Variants in WWP2 observed in about 807,000 individuals in gnomAD.
WWP2 encodes the protein NEDD4-like E3 ubiquitin-protein ligase WWP2.
Under a neutral mutation model 121.0 loss-of-function variants are expected in WWP2, and 57 were observed. The ratio of observed to expected loss-of-function variants is 0.47; its 90% CI spans 0.38 to 0.59. The LOEUF (loss-of-function observed/expected upper bound fraction) is 0.59, where lower values mean the gene tolerates loss of function less well. WWP2 is among the 20% of genes least tolerant of loss of function. WWP2 has a pLI of 0.00. For synonymous variants in WWP2, 449 were observed against 441.3 expected, an observed-to-expected ratio of 1.02 and a Z score of -0.22; for missense variants, 962 against 1,158.9, an observed-to-expected ratio of 0.83 and a Z score of 2.47.
intron 6 of WWP2, among the ~76,000 whole-genome samples, chr16:69,859,691 G>A (rs1567385852): frequency 1.3e-5 from 2 of 151,944 alleles, no homozygotes; most frequent in Non-Finnish European, 2.9e-5. Context: ...CTTCCCCCTG[G>A]CCCCGACCCC....
In WWP2 at chr16:69,937,765, C is replaced by G. The variant is rs1205971336; in HGVS notation, c.2343+113C>G. The G allele has an allele frequency of 1.0e-6, 1 of 970,402 alleles. No individual in the cohort carries two copies. The highest frequency in any genetic ancestry group is 1.6e-6 in the Non-Finnish European group (1 of 643,914). The allele number at this position is 970,402 out of a possible 1,614,324, so 60.1% of individuals were successfully genotyped here. ...TTCAGCTTTGGCCCTGTCCTTGCCT[C>G]CCACACCTTGCAAAAGGAGACGATA... On this transcript the variant is annotated intron_variant, in intron 21 of 23. Coordinates refer to ENST00000359154, the MANE Select transcript of WWP2 (RefSeq NM_001270454.2). This position sits in a 1 kb window ranked among gnomAD's most constrained non-coding sequence, Gnocchi z 6.6.
At chr16:69,783,096 T>C (rs1283134633) in intron 1 of WWP2, 1 of 149,564 alleles carries the variant, frequency 6.7e-6, no homozygotes, top group Non-Finnish European at 1.5e-5. Context: ...CTCCAACCTC[T>C]GCTTCCCAGG....
intron 10 of WWP2, among the ~76,000 whole-genome samples, chr16:69,922,646 A>T (rs1289155418): frequency 6.6e-6 from 1 of 152,192 alleles, no homozygotes; most frequent in African/African-American, 2.4e-5. Context: ...CGGTTGGCTC[A>T]TTGGAGGTGT....
intron 7 of WWP2, among the ~76,000 whole-genome samples, chr16:69,884,396 G>A (rs921173891): frequency 6.6e-6 from 1 of 152,172 alleles, no homozygotes; most frequent in African/African-American, 2.4e-5. Flanking sequence ...GGCTGAGGTG[G>A]GAGGATCGCT....
rs2056124088 is a variant in WWP2 at position 69,799,819 on chromosome 16, G to A, written c.340+524G>A. ...CTGGATGTTGGAACGTGATGGACGC[G>A]CCATCTGAATTAGCCAACGTGCCTC... On this transcript the variant is annotated intron_variant, in intron 4 of 23. Transcript: ENST00000359154. The surrounding 1 kb of genome is among the most constrained non-coding windows in gnomAD (Gnocchi z 4.5). Among the ~76,000 whole-genome samples the A allele has an allele frequency of 6.6e-6, 1 of 152,056 alleles. No individual in the cohort carries two copies. Among genetic ancestry groups the A allele is most frequent in the South Asian group, 2.1e-4 (1 of 4,820 alleles).
chr16:69,890,008 G>A (rs1305283441), intron 8 of WWP2, among the ~76,000 whole-genome samples: 3 of 151,978 alleles, frequency 2.0e-5, no homozygotes, highest in Admixed American at 6.6e-5. Context: ...AGGCTGGAGT[G>A]CAGTAGTACA....
intron 7 of WWP2, among the ~76,000 whole-genome samples, chr16:69,872,240 G>A (rs1032351257): frequency 5.3e-5 from 8 of 149,866 alleles, no homozygotes; most frequent in Non-Finnish European, 3.0e-5. Context: ...TTTTTGAGAC[G>A]GAGTCTCACC....
At chr16:69,922,233 C>T (rs946850899) in intron 10 of WWP2, among the ~76,000 whole-genome samples, 17 of 151,966 alleles carry the variant, frequency 1.1e-4, no homozygotes, top group East Asian at 3.9e-4. Flanking sequence ...GTTCTGCATC[C>T]GTCTGGTGCA....
At chr16:69,933,065 G>A in intron 16 of WWP2, 1 of 496,964 alleles carries the variant, frequency 2.0e-6, no homozygotes. Flanking sequence ...GGCTTCTGGT[G>A]TGGCCGCGCC....
At chr16:69,801,208 TTTAA>T (rs1457762975) in intron 4 of WWP2, among the ~76,000 whole-genome samples, 10 of 148,642 alleles carry the variant, frequency 6.7e-5, no homozygotes, top group African/African-American at 2.2e-4. Context: ...GCAATTTTAC[TTTAA>T]TTAATTAATT....
At chr16:69,899,036 A>G (rs2151950085) in intron 8 of WWP2, among the ~76,000 whole-genome samples, 1 of 152,314 alleles carries the variant, frequency 6.6e-6, no homozygotes, top group East Asian at 1.9e-4. Flanking sequence ...GCTAGGTACA[A>G]ATTGCTTCTC....
intron 1 of WWP2, among the ~76,000 whole-genome samples, chr16:69,786,681 C>T (rs1156937813): frequency 6.6e-6 from 1 of 151,560 alleles, no homozygotes; most frequent in African/African-American, 2.4e-5. Flanking sequence ...AAACTCCTGA[C>T]CTCAGGTGAT....
intron 6 of WWP2, among the ~76,000 whole-genome samples, chr16:69,845,755 A>G (rs143703938): frequency 1.3e-5 from 2 of 152,200 alleles, no homozygotes; most frequent in East Asian, 3.9e-4. Flanking sequence ...TTCTTCAAGA[A>G]TAATCAGATG....
intron 6 of WWP2, among the ~76,000 whole-genome samples, chr16:69,866,087 G>T (rs1450273176): frequency 6.6e-6 from 1 of 152,088 alleles, no homozygotes; most frequent in Non-Finnish European, 1.5e-5. Flanking sequence ...GGTTTTTAAG[G>T]TTTCTCTGGC....
At chr16:69,798,445 T>C (rs1031152301) in intron 2 of WWP2, among the ~76,000 whole-genome samples, 1 of 151,816 alleles carries the variant, frequency 6.6e-6, no homozygotes, top group Admixed American at 6.6e-5. Flanking sequence ...GTGATGATGA[T>C]CACTGGCAGT....
At chr16:69,816,394 C>T (rs1369754489) in intron 4 of WWP2, among the ~76,000 whole-genome samples, 2 of 149,940 alleles carry the variant, frequency 1.3e-5, no homozygotes, top group Non-Finnish European at 3.0e-5. Flanking sequence ...CCAGCGTGGG[C>T]AACATAACGA....
chr16:69,799,309 AG>A lies in WWP2; in HGVS notation c.340+19del. 6.2e-7 allele frequency: 1 copy of A among 1,610,788 alleles called. No homozygotes were observed. Among genetic ancestry groups the A allele is most frequent in the Non-Finnish European group, 8.5e-7 (1 of 1,178,666 alleles). ...ATGGGGGCAAAAGTACGTATGATGA[AG>A]GGGGTGCCGACGTGATTCTTGGGTG... On this transcript the variant is annotated intron_variant, in intron 4 of 23. Transcript: ENST00000359154. The surrounding 1 kb of genome is among the most constrained non-coding windows in gnomAD (Gnocchi z 4.5).
At chr16:69,795,649 G>GTTTTTTTTTTTTTTTT (rs386384998) in intron 2 of WWP2, among the ~76,000 whole-genome samples, 1 of 66,954 alleles carries the variant, frequency 1.5e-5, no homozygotes, top group African/African-American at 6.3e-5. Flanking sequence ...AAAATAGGAG[G>GTTTTTTTTTTTTTTTT]TTTTTTTTTT....
chr16:69,938,843 C>T (rs2058837275), intron 21 of WWP2, among the ~76,000 whole-genome samples, 184 bp from the exon 22 acceptor site: 2 of 152,244 alleles, frequency 1.3e-5, no homozygotes, highest in Non-Finnish European at 2.9e-5. Context: ...ATCTCATGCA[C>T]ACACAGCCTC....
Sources: gnomAD v4.1 joint callset for allele counts (sites outside exome capture counted in the v4.1 genomes callset) on GRCh38, gnomAD v4.1.1 for gene constraint, Gnocchi (gnomAD v3.1) non-coding constraint, MANE v1.5 for transcripts, NCBI Gene and HGNC (gene_info 2026-07-23, HGNC 2026-07-21) for gene names.